Variants in CSTPP1 observed in about 807,000 individuals in gnomAD.
CSTPP1 encodes centriolar satellite-associated tubulin polyglutamylase complex regulator 1.
At chr11:46,974,527 A>AG in the CSTPP1 span, among the ~76,000 whole-genome samples, 1 of 13,294 alleles carries the variant, frequency 7.5e-5, no homozygotes, top group Non-Finnish European at 2.8e-4. Context: ...ACTCTGTCTC[A>AG]AAAAAAAAAA....
the CSTPP1 span, chr11:47,161,137 TGACAAGG>T: frequency 6.2e-7 from 1 of 1,614,106 alleles, no homozygotes; most frequent in Non-Finnish European, 8.5e-7. Flanking sequence ...GAGCTTTGCC[TGACAAGG>T]GGGATCTGAT....
At chr11:47,038,830 C>T in the CSTPP1 span, among the ~76,000 whole-genome samples, 7 of 112,494 alleles carry the variant, frequency 6.2e-5, no homozygotes, top group South Asian at 3.1e-4. Flanking sequence ...TCAGACGGGG[C>T]GGTTGCCAGG....
chr11:47,010,227 GT>G, the CSTPP1 span, among the ~76,000 whole-genome samples: 1 of 152,210 alleles, frequency 6.6e-6, no homozygotes, highest in Non-Finnish European at 1.5e-5. Context: ...TAGATCCCAA[GT>G]TTAGTGTGCC....
chr11:47,132,769 T>G, the CSTPP1 span, among the ~76,000 whole-genome samples: 1 of 152,172 alleles, frequency 6.6e-6, no homozygotes, highest in Non-Finnish European at 1.5e-5. Flanking sequence ...GTGTGAATAA[T>G]CCTAACATCA....
At chr11:47,043,867 G>A in the CSTPP1 span, among the ~76,000 whole-genome samples, 1 of 152,086 alleles carries the variant, frequency 6.6e-6, no homozygotes, top group Non-Finnish European at 1.5e-5. Flanking sequence ...GGTGGCATGC[G>A]CCTGTAGATT....
the CSTPP1 span, among the ~76,000 whole-genome samples, chr11:46,961,792 C>T: frequency 1.3e-5 from 2 of 151,910 alleles, no homozygotes; most frequent in Admixed American, 1.3e-4. Context: ...TCCAGTTGTC[C>T]CAGCACCATT....
the CSTPP1 span, among the ~76,000 whole-genome samples, chr11:46,976,361 T>C: frequency 1.3e-5 from 2 of 151,184 alleles, no homozygotes; most frequent in Admixed American, 1.3e-4. Flanking sequence ...AATATAGTCA[T>C]TGTGATATTT....
the CSTPP1 span, among the ~76,000 whole-genome samples, chr11:47,113,044 A>C: frequency 2.0e-5 from 3 of 152,172 alleles, no homozygotes; most frequent in East Asian, 1.9e-4. Context: ...CCTGTGTCCA[A>C]GTGATCTCAT....
chr11:47,146,161 A>C, the CSTPP1 span, among the ~76,000 whole-genome samples: 2 of 152,040 alleles, frequency 1.3e-5, no homozygotes, highest in Non-Finnish European at 2.9e-5. Context: ...TCAGGAGTTC[A>C]AGACCAGCCT....
chr11:47,018,088 G>A, the CSTPP1 span, among the ~76,000 whole-genome samples: 30 of 152,238 alleles, frequency 2.0e-4, no homozygotes, highest in African/African-American at 6.5e-4. Flanking sequence ...TTGCTGAGTA[G>A]TATTGTATTG....
At chr11:47,083,309 ATT>A in the CSTPP1 span, among the ~76,000 whole-genome samples, 1 of 152,182 alleles carries the variant, frequency 6.6e-6, no homozygotes, top group Non-Finnish European at 1.5e-5. Context: ...GCCAAATAAT[ATT>A]CCATTGTATG....
chr11:47,071,806 G>T, the CSTPP1 span, among the ~76,000 whole-genome samples: 17 of 152,224 alleles, frequency 1.1e-4, no homozygotes, highest in African/African-American at 3.9e-4. Context: ...TAAGACAGCT[G>T]CTCTCTTTCT....
chr11:46,967,684 A>T, the CSTPP1 span, among the ~76,000 whole-genome samples: 1 of 152,084 alleles, frequency 6.6e-6, no homozygotes, highest in Non-Finnish European at 1.5e-5. Flanking sequence ...ACATAGGAAG[A>T]ACTCCATAAA....
chr11:47,111,114 G>A, the CSTPP1 span, among the ~76,000 whole-genome samples: 4 of 151,820 alleles, frequency 2.6e-5, no homozygotes, highest in South Asian at 2.1e-4. Context: ...GGATGGTCTC[G>A]ATCTCCTGAC....
chr11:47,161,441 T>A, the CSTPP1 span: 3 of 1,612,888 alleles, frequency 1.9e-6, no homozygotes, highest in Non-Finnish European at 2.5e-6. Context: ...CTCGCTGCCC[T>A]CCAGGCTTCT....
chr11:47,108,473 C>T, the CSTPP1 span, among the ~76,000 whole-genome samples: 1 of 152,146 alleles, frequency 6.6e-6, no homozygotes, highest in Non-Finnish European at 1.5e-5. Flanking sequence ...AAGGCAGTCA[C>T]CAAAAACTAA....
chr11:47,142,915 A>C, the CSTPP1 span, among the ~76,000 whole-genome samples: 1 of 152,224 alleles, frequency 6.6e-6, no homozygotes, highest in Non-Finnish European at 1.5e-5. Flanking sequence ...GCTGTTTGAC[A>C]GACACCTCAG....
At chr11:47,057,496 A>G in the CSTPP1 span, among the ~76,000 whole-genome samples, 2 of 152,180 alleles carry the variant, frequency 1.3e-5, no homozygotes, top group Non-Finnish European at 2.9e-5. Context: ...CTTGCCACTA[A>G]CAATGAGAAA....
the CSTPP1 span, chr11:47,162,224 TAA>T: frequency 8.1e-6 from 8 of 985,310 alleles, no homozygotes; most frequent in Non-Finnish European, 9.6e-6. Flanking sequence ...GTGAAACGAA[TAA>T]AAAGTCCCTC....
Sources: gnomAD v4.1 joint callset for allele counts (sites outside exome capture counted in the v4.1 genomes callset) on GRCh38, gnomAD v4.1.1 for gene constraint, MANE v1.5 for transcripts, NCBI Gene and HGNC (gene_info 2026-07-23, HGNC 2026-07-21) for gene names.